PDE4B: variants seen among roughly 807,000 people sequenced by gnomAD.
The protein encoded by PDE4B is 3',5'-cyclic-AMP phosphodiesterase 4B.
Under a neutral mutation model 82.2 loss-of-function variants are expected in PDE4B, and 20 were observed. The ratio of observed to expected loss-of-function variants is 0.24; its 90% CI spans 0.17 to 0.35. The LOEUF (loss-of-function observed/expected upper bound fraction) is 0.35, where lower values mean the gene tolerates loss of function less well. Among genes scored for constraint, PDE4B ranks in the 10% least tolerant of loss-of-function variants. PDE4B has a pLI of 1.00. For missense variants in PDE4B, 655 were observed against 907.2 expected, an observed-to-expected ratio of 0.72 and a Z score of 3.57; for synonymous variants, 320 against 318.9, an observed-to-expected ratio of 1.00 and a Z score of -0.04.
chr1:66,242,065 G>C (rs1367230530), intron 3 of PDE4B, among the ~76,000 whole-genome samples: 1 of 152,218 alleles, frequency 6.6e-6, no homozygotes, highest in African/African-American at 2.4e-5. Flanking sequence ...ATCTGGTGGA[G>C]TGAGAGAGAT....
intron 3 of PDE4B, among the ~76,000 whole-genome samples, chr1:66,005,158 A>G (rs1342278414): frequency 6.6e-6 from 1 of 152,136 alleles, no homozygotes; most frequent in Non-Finnish European, 1.5e-5. Flanking sequence ...CAAATACCAT[A>G]CACATTGCTC....
At chr1:66,144,400 T>C (rs150675452) in intron 3 of PDE4B, among the ~76,000 whole-genome samples, 175 of 152,304 alleles carry the variant, frequency 1.1e-3, no homozygotes, top group African/African-American at 4.0e-3. Flanking sequence ...ATAGTTTGGA[T>C]TTGAAAACTG....
intron 1 of PDE4B, among the ~76,000 whole-genome samples, chr1:65,845,738 C>T (rs1164943263): frequency 6.6e-6 from 1 of 152,078 alleles, no homozygotes; most frequent in African/African-American, 2.4e-5. Context: ...GTGCATGGTC[C>T]TCGGGGTGTC....
intron 3 of PDE4B, among the ~76,000 whole-genome samples, chr1:65,937,494 A>G (rs1648217391): frequency 6.6e-6 from 1 of 152,198 alleles, no homozygotes; most frequent in Non-Finnish European, 1.5e-5. Flanking sequence ...AGATCAAAAT[A>G]CCCATAGATG....
At chr1:66,250,945 G>A (rs1653725369) in intron 4 of PDE4B, among the ~76,000 whole-genome samples, 1 of 152,158 alleles carries the variant, frequency 6.6e-6, no homozygotes. Flanking sequence ...TCTCTAGAGA[G>A]AGCCTACTCA....
intron 9 of PDE4B, among the ~76,000 whole-genome samples, chr1:66,358,928 G>A (rs1025241698): frequency 1.3e-5 from 2 of 152,152 alleles, no homozygotes; most frequent in African/African-American, 4.8e-5. Context: ...AGGAGGACAG[G>A]GAGAAAGGCA....
intron 1 of PDE4B, among the ~76,000 whole-genome samples, chr1:65,886,099 C>T (rs1571069188): frequency 6.6e-6 from 1 of 151,234 alleles, no homozygotes; most frequent in South Asian, 2.1e-4. Context: ...ATATTAATTA[C>T]ATTTTGAAAT....
chr1:65,899,605 CG>C, intron 1 of PDE4B, among the ~76,000 whole-genome samples: 1 of 146,590 alleles, frequency 6.8e-6, no homozygotes, highest in Admixed American at 6.9e-5. Flanking sequence ...GATAAAGAAA[CG>C]TTACATATGT....
intron 1 of PDE4B, among the ~76,000 whole-genome samples, chr1:65,811,982 C>A (rs1433786180): frequency 3.3e-5 from 5 of 151,860 alleles, no homozygotes; most frequent in East Asian, 1.9e-4. Context: ...CCAAAAAAAA[C>A]CCCAGGACCA....
intron 3 of PDE4B, among the ~76,000 whole-genome samples, chr1:65,973,179 A>G (rs899654794): frequency 2.0e-5 from 3 of 152,186 alleles, no homozygotes; most frequent in Non-Finnish European, 4.4e-5. Flanking sequence ...ATAGAAGGAA[A>G]CTGAAGGTAA....
intron 3 of PDE4B, among the ~76,000 whole-genome samples, chr1:66,148,857 A>G (rs975858399): frequency 1.3e-5 from 2 of 152,120 alleles, no homozygotes; most frequent in African/African-American, 4.8e-5. Flanking sequence ...TTATTGTTGG[A>G]TAATATTCCA....
intron 3 of PDE4B, among the ~76,000 whole-genome samples, chr1:66,049,832 G>A (rs1173313545): frequency 6.6e-6 from 1 of 152,040 alleles, no homozygotes; most frequent in East Asian, 1.9e-4. Flanking sequence ...TCCTCAAAAT[G>A]CCTTTCACTT....
rs535278092 is a variant in PDE4B at position 66,200,755 on chromosome 1, G to A, written c.282-46705G>A. Among the ~76,000 whole-genome samples the A allele has an allele frequency of 3.5e-3, 534 of 152,202 alleles. 6 individuals are homozygous for A. Among genetic ancestry groups the A allele is most frequent in the Admixed American group, 9.0e-3 (137 of 15,266 alleles). On this transcript the variant is annotated intron_variant, in intron 3 of 16. Coordinates refer to ENST00000341517, the MANE Select transcript of PDE4B (RefSeq NM_002600.4). ...CTTAAGGAGATTTTGGGCTGAGACA[G>A]TGGGGTTTTCTAGATATACAATCAT...
chr1:66,286,344 C>T (rs79997092), intron 7 of PDE4B, among the ~76,000 whole-genome samples: 2,424 of 152,198 alleles, frequency 0.016, 34 homozygotes, highest in African/African-American at 0.042. Context: ...AACATTTCAT[C>T]TTTTATTTTG....
At chr1:66,222,618 T>C (rs1225639499) in intron 3 of PDE4B, among the ~76,000 whole-genome samples, 2 of 152,240 alleles carry the variant, frequency 1.3e-5, no homozygotes, top group African/African-American at 2.4e-5. Context: ...TTAACAATTA[T>C]GCTGACTAGC....
chr1:65,875,187 A>T (rs1295658649), intron 1 of PDE4B, among the ~76,000 whole-genome samples: 1 of 152,056 alleles, frequency 6.6e-6, no homozygotes, highest in Non-Finnish European at 1.5e-5. Flanking sequence ...GCAGCCAAAA[A>T]ACACATGAAA....
intron 2 of PDE4B, among the ~76,000 whole-genome samples, 157 bp from the exon 3 acceptor site, chr1:65,918,440 C>T (rs897834492): frequency 1.3e-5 from 2 of 152,200 alleles, no homozygotes; most frequent in African/African-American, 4.8e-5. Context: ...CTATTGTTTT[C>T]TCTTTAAGCT....
chr1:66,372,216 A>G (rs988175053), intron 16 of PDE4B, 97 bp from the exon 17 acceptor site: 1 of 1,251,408 alleles, frequency 8.0e-7, no homozygotes, highest in African/African-American at 1.5e-5. Context: ...ATCTTTCTGA[A>G]GTTATTAATG....
intron 7 of PDE4B, among the ~76,000 whole-genome samples, chr1:66,274,926 G>C (rs902311522): frequency 2.0e-5 from 3 of 152,108 alleles, no homozygotes; most frequent in East Asian, 3.9e-4. Flanking sequence ...CATCTGAAGG[G>C]AGTAATTTTT....
Sources: gnomAD v4.1 joint callset for allele counts (sites outside exome capture counted in the v4.1 genomes callset) on GRCh38, gnomAD v4.1.1 for gene constraint, MANE v1.5 for transcripts, NCBI Gene and HGNC (gene_info 2026-07-23, HGNC 2026-07-21) for gene names.